SHQ1: variants seen among roughly 807,000 people sequenced by gnomAD.
SHQ1 encodes the protein protein SHQ1 homolog.
Under a neutral mutation model 53.8 loss-of-function variants are expected in SHQ1, and 49 were observed. The observed-to-expected ratio is 0.91, with a 90% CI of 0.72 to 1.16. The LOEUF (loss-of-function observed/expected upper bound fraction) is 1.16, where lower values mean the gene tolerates loss of function less well. SHQ1 is among the 50% of genes most tolerant of loss of function. The pLI is 0.00. For missense variants in SHQ1, 738 were observed against 683.1 expected, an observed-to-expected ratio of 1.08 and a Z score of -0.90; for synonymous variants, 243 against 251.0, an observed-to-expected ratio of 0.97 and a Z score of 0.30.
At chr3:72,793,581 T>C (rs1243345005) in intron 9 of SHQ1, 1 of 151,798 alleles carries the variant, frequency 6.6e-6, no homozygotes, top group Non-Finnish European at 1.5e-5. Flanking sequence ...GTGGTTATCA[T>C]TAAAATGCTA....
intron 4 of SHQ1, among the ~76,000 whole-genome samples, chr3:72,836,977 A>T (rs528021419): frequency 6.6e-6 from 1 of 152,200 alleles, no homozygotes; most frequent in Non-Finnish European, 1.5e-5. Flanking sequence ...GGTATCCCGG[A>T]AACAATGGCC....
chr3:72,793,089 C>A, intron 9 of SHQ1, 53 bp from the exon 10 acceptor site: 1 of 1,478,168 alleles, frequency 6.8e-7, no homozygotes, highest in Non-Finnish European at 9.3e-7. Flanking sequence ...GAAATTCAGA[C>A]CCTGAGAGGT....
At chr3:72,743,995 A>G in the SHQ1 span, among the ~76,000 whole-genome samples, 3 of 152,158 alleles carry the variant, frequency 2.0e-5, no homozygotes, top group South Asian at 2.1e-4. Context: ...GAAACGGGAG[A>G]GCAACGCAGG....
chr3:72,817,055 T>A (rs372301922), intron 7 of SHQ1, among the ~76,000 whole-genome samples, 175 bp downstream of exon 7: 1 of 152,202 alleles, frequency 6.6e-6, no homozygotes, highest in South Asian at 2.1e-4. Flanking sequence ...AACTAAGTAA[T>A]GTATGATTGC....
chr3:72,749,209 A>T (rs1403040531), downstream of SHQ1: 1 of 198,022 alleles, frequency 5.0e-6, no homozygotes, highest in Non-Finnish European at 1.0e-5. Context: ...TATACCTACC[A>T]TATGGCTTGG....
intron 5 of SHQ1, 59 bp from the exon 6 acceptor site, chr3:72,824,610 A>G: frequency 1.3e-6 from 2 of 1,544,704 alleles, no homozygotes; most frequent in Non-Finnish European, 1.7e-6. Flanking sequence ...TTACTTTTTA[A>G]CATTTTATCT....
At chr3:72,762,910 G>A (rs1051966379) in intron 10 of SHQ1, among the ~76,000 whole-genome samples, 6 of 151,200 alleles carry the variant, frequency 4.0e-5, no homozygotes, top group Non-Finnish European at 7.4e-5. Flanking sequence ...CCTTACCTCC[G>A]GTGATCCATC....
At chr3:72,754,131 T>A (rs916120978) in intron 10 of SHQ1, among the ~76,000 whole-genome samples, 1 of 152,222 alleles carries the variant, frequency 6.6e-6, no homozygotes, top group Admixed American at 6.5e-5. Flanking sequence ...ATACAAAGGA[T>A]GATGCTCCAC....
At chr3:72,735,441 T>C in the SHQ1 span, among the ~76,000 whole-genome samples, 1 of 139,922 alleles carries the variant, frequency 7.1e-6, no homozygotes, top group East Asian at 2.0e-4. Flanking sequence ...GGGACTGTTA[T>C]ATGGGCTTGG....
chr3:72,787,818 GA>G (rs1351475831), intron 10 of SHQ1, among the ~76,000 whole-genome samples: 6 of 151,826 alleles, frequency 4.0e-5, no homozygotes, highest in Non-Finnish European at 8.8e-5. Flanking sequence ...CTCCCTGCCT[GA>G]TTCTCCTGCC....
At chr3:72,819,887 C>T (rs1342837430) in intron 6 of SHQ1, among the ~76,000 whole-genome samples, 1 of 152,194 alleles carries the variant, frequency 6.6e-6, no homozygotes, top group Non-Finnish European at 1.5e-5. Flanking sequence ...CATATACTCA[C>T]TGCAGGAAGA....
At chr3:72,788,593 T>C (rs1706330322) in intron 10 of SHQ1, among the ~76,000 whole-genome samples, 1 of 152,158 alleles carries the variant, frequency 6.6e-6, no homozygotes, top group African/African-American at 2.4e-5. Context: ...CAATAGCTCA[T>C]TGAGAACAGG....
At chr3:72,738,851 G>T in the SHQ1 span, among the ~76,000 whole-genome samples, 1 of 152,050 alleles carries the variant, frequency 6.6e-6, no homozygotes, top group African/African-American at 2.4e-5. Context: ...CCTGCCCTGG[G>T]CCCCGCCCCG....
At chr3:72,753,198 T>C (rs1705426571) in intron 10 of SHQ1, 1 of 985,424 alleles carries the variant, frequency 1.0e-6, no homozygotes, top group Non-Finnish European at 1.2e-6. Context: ...ACATGGTTTC[T>C]ATGTTTCCCT....
chr3:72,761,363 C>T (rs917732569), intron 10 of SHQ1, among the ~76,000 whole-genome samples: 10 of 152,008 alleles, frequency 6.6e-5, no homozygotes, highest in East Asian at 3.8e-4. Context: ...GTAGTGACAG[C>T]GTCTTGCTAC....
intron 1 of SHQ1, among the ~76,000 whole-genome samples, chr3:72,847,768 G>A (rs1708392795): frequency 6.6e-6 from 1 of 152,104 alleles, no homozygotes; most frequent in African/African-American, 2.4e-5. Context: ...ACAGAAGGCG[G>A]CCTGGGCAAA....
chr3:72,774,012 G>A (rs1044339430), intron 10 of SHQ1, among the ~76,000 whole-genome samples: 12 of 152,222 alleles, frequency 7.9e-5, no homozygotes, highest in Admixed American at 3.3e-4. Flanking sequence ...TAAATCCTCC[G>A]AGGACAAGAA....
chr3:72,761,666 A>G (rs1405122449), intron 10 of SHQ1, among the ~76,000 whole-genome samples: 1 of 152,128 alleles, frequency 6.6e-6, no homozygotes, highest in East Asian at 1.9e-4. Context: ...CACATGGTAA[A>G]CTCATGAAGT....
At position 72,824,421 on chromosome 3, in the gene SHQ1, T is replaced by C. The variant is rs749854519; in HGVS notation, c.727+3A>G. ...ACAAATTAGCCGAATTTGAGTTTCT[T>C]ACCTAATGTAGCATGATTTTCTTGT... On this transcript the variant is annotated splice_donor_region_variant and intron_variant, in intron 6 of 10. Transcript: ENST00000325599. The C allele has an allele frequency of 6.2e-7, 1 of 1,609,280 alleles. No homozygotes were observed. The highest frequency in any genetic ancestry group is 8.5e-7 in the Non-Finnish European group (1 of 1,179,222).
Sources: allele counts gnomAD v4.1 joint callset (sites outside exome capture counted in the v4.1 genomes callset), GRCh38; gene constraint gnomAD v4.1.1; transcripts MANE v1.5; gene names NCBI Gene and HGNC (gene_info 2026-07-23, HGNC 2026-07-21).